The following TNNI3 variants were observed in gnomAD, a reference collection of about 807,000 sequenced individuals.
The protein encoded by TNNI3 is troponin I, cardiac muscle.
Under a neutral mutation model 31.5 loss-of-function variants are expected in TNNI3, and 23 were observed. That is an observed-to-expected ratio of 0.73 (90% CI 0.52 to 1.03). The LOEUF (loss-of-function observed/expected upper bound fraction) is 1.03, where lower values mean the gene tolerates loss of function less well. Among genes scored for constraint, TNNI3 ranks in the 50% least tolerant of loss-of-function variants. TNNI3 has a pLI of 0.00. For synonymous variants in TNNI3, 120 were observed against 111.7 expected, an observed-to-expected ratio of 1.07 and a Z score of -0.47; for missense variants, 236 against 282.9, an observed-to-expected ratio of 0.83 and a Z score of 1.19.
chr19:55,154,720 C>G (rs745823016), intron 6 of TNNI3, 21 bp downstream of exon 6: 1 of 1,611,798 alleles, frequency 6.2e-7, no homozygotes, highest in African/African-American at 1.3e-5. Flanking sequence ...CGAAGGTACC[C>G]GAGCTGCCCA....
chr19:55,154,590 C>T (rs1203142036), intron 6 of TNNI3, 151 bp downstream of exon 6: 2 of 741,734 alleles, frequency 2.7e-6, no homozygotes, highest in Non-Finnish European at 2.4e-6. Flanking sequence ...CTATATTGTA[C>T]TCATCCTTCT....
chr19:55,154,082 G>C lies in TNNI3; in HGVS notation c.497C>G (p.Ser166Cys), dbSNP rs727504242. The stretch of plus-strand genomic sequence containing the variant: ...CTTGAGGTGGGCCCGCAGGTCCAGG[G>C]ACTCCTTAGCCCGGGCCCCCAGCAG... ...QALLGARAKE[S>C]LDLRAHLKQV... The change falls in exon 7 of 8, where the codon TCC becomes TGC. Residue 166 changes from serine (S) to cysteine (C), a missense_variant. Coordinates refer to ENST00000344887, the MANE Select transcript of TNNI3 (RefSeq NM_000363.5). 2 of 1,612,566 alleles carry C rather than the reference G, an allele frequency of 1.2e-6. No individual in the cohort carries two copies. Among genetic ancestry groups the C allele is most frequent in the African/African-American group, 2.7e-5 (2 of 74,758 alleles).
chr19:55,156,287 C>T lies in TNNI3; in HGVS notation c.196G>A (p.Glu66Lys), dbSNP rs1253836774. ...CGCCCCTTCTCTCCGCGCCGCTCCT[C>T]CGCCTCTCGCTCCAGCTCTTGCTTT... ...IAKQELEREA[E>K]ERRGEKGRAL... The change falls in exon 5 of 8, where the codon GAG (glutamate) becomes AAG (lysine). Residue 66 changes from glutamate to lysine, a missense_variant. Glu to Lys is a moderately conservative substitution (Grantham distance 56, BLOSUM62 1). Transcript: ENST00000344887. The surrounding 1 kb of genome is among the most constrained non-coding windows in gnomAD (Gnocchi z 4.6). 1.9e-6 allele frequency: 3 copies of T among 1,611,058 alleles called. No homozygotes were observed.
Position 55,156,224 on chromosome 19 carries a change from C to T in TNNI3, c.259G>A (p.Gly87Arg), listed in dbSNP as rs1276684253. 3 of 1,612,762 alleles carry T rather than the reference C, an allele frequency of 1.9e-6. No homozygotes were observed. The highest frequency in any genetic ancestry group is 2.2e-5 in the South Asian group (2 of 91,080). Reference protein sequence around the residue: ...STRCQPLELAGLGFAELQDLC... With the variant: ...STRCQPLELARLGFAELQDLC... ...ACCTGCAGCTCCGCGAAGCCCAGCCCGGCCAACTCCAGCGGCTGGCAGCGG... is the reference window on the plus strand; with the variant it reads ...ACCTGCAGCTCCGCGAAGCCCAGCCTGGCCAACTCCAGCGGCTGGCAGCGG... The change falls in exon 5 of 8, where the codon GGG (glycine) becomes AGG (arginine). Residue 87 changes from glycine to arginine, a missense_variant. Physicochemically the swap from Gly to Arg is moderately radical, Grantham distance 125. This residue lies in a region of TNNI3 where 172 missense variants were observed against 171.8 expected (regional missense o/e 1.00). Transcript: ENST00000344887. This position sits in a 1 kb window ranked among gnomAD's most constrained non-coding sequence, Gnocchi z 4.6.
chr19:55,153,256 A>T (rs553662329), intron 7 of TNNI3, among the ~76,000 whole-genome samples: 1 of 152,066 alleles, frequency 6.6e-6, no homozygotes, highest in Non-Finnish European at 1.5e-5. Context: ...TTTATTGTTA[A>T]TCTCTTACTG....
rs1020215972 is a variant in TNNI3 at position 55,153,934 on chromosome 19, C to A, written c.549+96G>T. 3.5e-6 allele frequency: 5 copies of A among 1,444,714 alleles called. No individual in the cohort carries two copies. In the African/African-American group the frequency reaches 5.6e-5, roughly 16 times the overall value. The allele number at this position is 1,444,714 out of a possible 1,614,324, so 89.5% of individuals were successfully genotyped here. On this transcript the variant is annotated intron_variant, in intron 7 of 7. Transcript: ENST00000344887. ...GACCCCTTACTAGCTGCTTCTACCT[C>A]CAACTCCAAGCACCATCTGCCCTCA...
Position 55,156,147 on chromosome 19 carries a change from G to GGA in TNNI3, c.282+53_282+54insTC, listed in dbSNP as rs2085727585. On this transcript the variant is annotated intron_variant, in intron 5 of 7. Transcript: ENST00000344887. This position sits in a 1 kb window ranked among gnomAD's most constrained non-coding sequence, Gnocchi z 4.6. ...GGTCCCGAGCAGAAGAGGGGATAGAGGCTGTACTGCTGAATTCCGGGACTA... is the reference window on the plus strand; with the variant it reads ...GGTCCCGAGCAGAAGAGGGGATAGAGGAGCTGTACTGCTGAATTCCGGGACTA... 1 of 1,612,390 alleles carries GGA rather than the reference G, an allele frequency of 6.2e-7. No individual in the cohort carries two copies. The highest frequency in any genetic ancestry group is 8.5e-7 in the Non-Finnish European group (1 of 1,179,696).
In TNNI3 at chr19:55,152,082, CCATGCACTTCCTGTCTCCCT is replaced by C. The variant is rs989065683; in HGVS notation, c.550-185_550-166del. ...TCAAGATAATCCCTGCCAATTTTCC[CCATGCACTTCCTGTCTCCCT>C]CATGCACTTCCTGTCCCCCTCATGC... On this transcript the variant is annotated intron_variant, in intron 7 of 7. Coordinates refer to ENST00000344887, the MANE Select transcript of TNNI3 (RefSeq NM_000363.5). The surrounding 1 kb of genome is among the most constrained non-coding windows in gnomAD (Gnocchi z 4.0). Among the ~76,000 whole-genome samples the C allele has an allele frequency of 9.2e-5, 14 of 152,240 alleles. 1 individual carries two copies. In the South Asian group the frequency reaches 2.5e-3, roughly 27 times the overall value.
intron 5 of TNNI3, 43 bp from the exon 6 acceptor site, chr19:55,154,873 C>G (rs1363571197): frequency 6.3e-7 from 1 of 1,577,550 alleles, no homozygotes; most frequent in South Asian, 1.1e-5. Context: ...GAACCAAAAA[C>G]AGGGAGACCT....
rs746918706 is a variant in TNNI3, at chr19:55,154,217, A to G, written c.373-11T>C. On this transcript the variant is annotated splice_polypyrimidine_tract_variant and intron_variant, in intron 6 of 7. Coordinates refer to ENST00000344887, the MANE Select transcript of TNNI3 (RefSeq NM_000363.5). ...AGTCAGATCTGCAATCTGGGGGCAC[A>G]CGAGGGGGTGGGTACTTCTCCTTCC... 1 of 1,610,428 alleles carries G rather than the reference A, an allele frequency of 6.2e-7. No homozygotes were observed. Among genetic ancestry groups the G allele is most frequent in the Non-Finnish European group, 8.5e-7 (1 of 1,179,952 alleles).
Position 55,157,632 on chromosome 19 carries a change from A to G in TNNI3, c.-43T>C. 6 of 1,613,500 alleles carry G rather than the reference A, an allele frequency of 3.7e-6. No individual in the cohort carries two copies. Among genetic ancestry groups the G allele is most frequent in the Non-Finnish European group, 5.1e-6 (6 of 1,179,730 alleles). ...GAATGGCAGGAGGCAGGGCGAGGAC[A>G]GGGGCGTTTGGAGGGTCAGTGAGGG... On this transcript the variant is annotated 5_prime_UTR_variant, in exon 1 of 8. Transcript: ENST00000344887. This position sits in a 1 kb window ranked among gnomAD's most constrained non-coding sequence, Gnocchi z 6.3.
rs768695569 is a variant in TNNI3, at chr19:55,156,716, G to C, written c.109-72C>G. The stretch of plus-strand genomic sequence containing the variant: ...GAGACGACGGTGGAGGGGACCTCAA[G>C]ACACCCCCAGCAAACCCAGCCGGTC... On this transcript the variant is annotated intron_variant, in intron 3 of 7. Transcript: ENST00000344887. The surrounding 1 kb of genome is among the most constrained non-coding windows in gnomAD (Gnocchi z 4.6). The C allele has an allele frequency of 6.0e-6, 9 of 1,512,352 alleles. No homozygotes were observed. The South Asian group carries it at 9.6e-5, about 16-fold the overall frequency. The allele number at this position is 1,512,352 out of a possible 1,614,324, so 93.7% of individuals were successfully genotyped here.
Position 55,156,412 on chromosome 19 carries a change from T to G in TNNI3, c.151-80A>C. ...AGGCGTGGGGAACCGCCTCTGCCCT[T>G]CTAAACCCTCCAGTTTGGTCTCCAC... On this transcript the variant is annotated intron_variant, in intron 4 of 7. Coordinates refer to ENST00000344887, the MANE Select transcript of TNNI3 (RefSeq NM_000363.5). This position sits in a 1 kb window ranked among gnomAD's most constrained non-coding sequence, Gnocchi z 4.6. The G allele has an allele frequency of 1.3e-6, 2 of 1,543,376 alleles. No homozygotes were observed. The highest frequency in any genetic ancestry group is 2.4e-5 in the South Asian group (2 of 84,722).
rs367809676 is a variant in TNNI3, at chr19:55,154,734, G to A, written c.372+7C>T. 49 of 1,613,728 alleles carry A rather than the reference G, an allele frequency of 3.0e-5. No individual in the cohort carries two copies. Among genetic ancestry groups the A allele is most frequent in the Middle Eastern group, 1.6e-4 (1 of 6,084 alleles). On this transcript the variant is annotated splice_region_variant and intron_variant, in intron 6 of 7. Coordinates refer to ENST00000344887, the MANE Select transcript of TNNI3 (RefSeq NM_000363.5). ...CCGAAGGTACCCGAGCTGCCCATGC[G>A]TCCCACCTCCGTGATGTTCTTGGTG...
At position 55,156,270 on chromosome 19, in the gene TNNI3, C is replaced by T. The variant is rs770487905; in HGVS notation, c.213G>A (p.Glu71=). Residue 71 remains glutamate (E), a synonymous_variant, in exon 5 of 8, where the codon GAG becomes GAA. Transcript: ENST00000344887. The surrounding 1 kb of genome is among the most constrained non-coding windows in gnomAD (Gnocchi z 4.6). ...LEREAEERRG[E]KGRALSTRCQ... is the part of the protein sequence containing the mutation. Reference sequence around the variant, plus strand: ...AGCGGGTGCTCAGAGCGCGCCCCTTCTCTCCGCGCCGCTCCTCCGCCTCTC... The same window carrying T: ...AGCGGGTGCTCAGAGCGCGCCCCTTTTCTCCGCGCCGCTCCTCCGCCTCTC... 3 of 1,611,698 alleles carry T rather than the reference C, an allele frequency of 1.9e-6. No individual in the cohort carries two copies. The Admixed American group carries it at 5.0e-5, about 27-fold the overall frequency.
rs3729838 is a variant in TNNI3 at position 55,156,942 on chromosome 19, C to A, written c.108+108G>T. ...CTCTGCAAAACTCCGCCCCTGAAGCCCCTCCGCGTAGTCCCCGCCCCCTTC... is the reference window on the plus strand; with the variant it reads ...CTCTGCAAAACTCCGCCCCTGAAGCACCTCCGCGTAGTCCCCGCCCCCTTC... On this transcript the variant is annotated intron_variant, in intron 3 of 7. Transcript: ENST00000344887. This position sits in a 1 kb window ranked among gnomAD's most constrained non-coding sequence, Gnocchi z 4.6. The A allele has an allele frequency of 7.6e-5, 98 of 1,281,078 alleles. No individual in the cohort carries two copies. The Admixed American group carries it at 1.0e-3, about 13-fold the overall frequency. 79.4% of individuals were successfully genotyped at this position (1,281,078 alleles called of 1,614,324 possible). A position where few individuals can be genotyped will look rare whatever the true frequency, so the allele number is the denominator to read the frequency against.
intron 6 of TNNI3, 42 bp downstream of exon 6, chr19:55,154,699 T>G (rs1185314087): frequency 1.3e-6 from 2 of 1,581,462 alleles, no homozygotes; most frequent in Non-Finnish European, 1.7e-6. Context: ...CCCAGCCATC[T>G]CACCCTACCC....
At position 55,152,567 on chromosome 19, in the gene TNNI3, A is replaced by G. The variant is rs1368931011; in HGVS notation, c.550-650T>C. On this transcript the variant is annotated intron_variant, in intron 7 of 7. Transcript: ENST00000344887. This position sits in a 1 kb window ranked among gnomAD's most constrained non-coding sequence, Gnocchi z 4.0. Reference sequence around the variant, plus strand: ...AAGGGTGATTACAGTGCTATAAGATATTTTGAGAAAGAGACCACATTCATG... The same window carrying G: ...AAGGGTGATTACAGTGCTATAAGATGTTTTGAGAAAGAGACCACATTCATG... Among the ~76,000 whole-genome samples, 1 of 152,234 alleles carries G rather than the reference A, an allele frequency of 6.6e-6. No homozygotes were observed. The highest frequency in any genetic ancestry group is 1.5e-5 in the Non-Finnish European group (1 of 68,038).
intron 5 of TNNI3, among the ~76,000 whole-genome samples, chr19:55,155,898 G>A (rs1383978220): frequency 7.7e-6 from 1 of 129,300 alleles, no homozygotes; most frequent in Non-Finnish European, 1.6e-5. Flanking sequence ...AGGGGCTGGG[G>A]ACTGGACTCC....
Sources: gnomAD v4.1 joint callset for allele counts (sites outside exome capture counted in the v4.1 genomes callset) on GRCh38, gnomAD v4.1.1 for gene constraint, gnomAD v4.1.1 regional missense constraint, Gnocchi (gnomAD v3.1) non-coding constraint, MANE v1.5 for transcripts, NCBI Gene and HGNC (gene_info 2026-07-23, HGNC 2026-07-21) for gene names.